Variants in TAB1 observed in about 807,000 individuals in gnomAD.
TAB1 encodes the protein TGF-beta-activated kinase 1 and MAP3K7-binding protein 1.
TAB1 carries 30 observed loss-of-function variants against 54.5 expected under a neutral mutation model. The ratio of observed to expected loss-of-function variants is 0.55; its 90% confidence interval spans 0.41 to 0.75. The LOEUF is 0.75. Among genes scored for constraint, TAB1 ranks in the 30% least tolerant of loss-of-function variants. TAB1 has a pLI of 0.00. For synonymous variants in TAB1, 289 were observed against 286.9 expected (o/e 1.01, Z -0.07); for missense variants, 609 against 683.2 (o/e 0.89, Z 1.21).
downstream of TAB1, among the ~76,000 whole-genome samples, chr22:39,434,877 C>T (rs1927726865): frequency 6.6e-6 from 1 of 152,202 alleles, no homozygotes; most frequent in African/African-American, 2.4e-5. Context: ...TCAGTAAAGC[C>T]ATCTTGTGGT....
chr22:39,431,485 C>T lies in TAB1; in HGVS notation c.*1263C>T, dbSNP rs1245377832. On this transcript the variant is annotated 3_prime_UTR_variant, in exon 11 of 11. Transcript: ENST00000216160. ...TCTCCCAGTCTCCCTGCCCCCCATG[C>T]CCCAGACCGGCCCACCAGGGACTAG... is the stretch of plus-strand genomic sequence containing the variant. The T allele has an allele frequency of 1.9e-5, 19 of 985,680 alleles. No individual in the cohort carries two copies. The highest frequency in any genetic ancestry group is 2.3e-5 in the Non-Finnish European group (19 of 830,188). The allele number at this position is 985,680 out of a possible 1,614,324, so 61.1% of individuals were successfully genotyped here.
At chr22:39,412,816 A>C (rs527315728) in intron 1 of TAB1, among the ~76,000 whole-genome samples, 3 of 144,850 alleles carry the variant, frequency 2.1e-5, no homozygotes, top group Admixed American at 1.4e-4. Context: ...TGTGTGTTTT[A>C]TTTCTTTTAC....
intron 9 of TAB1, among the ~76,000 whole-genome samples, chr22:39,427,474 C>T (rs1187027542): frequency 1.3e-5 from 2 of 152,220 alleles, no homozygotes; most frequent in African/African-American, 2.4e-5. Context: ...ACCAAGTTCT[C>T]AGGAAAAGAG....
At chr22:39,414,868 A>T (rs1926754660) in intron 1 of TAB1, 138 bp from the exon 2 acceptor site, 1 of 888,532 alleles carries the variant, frequency 1.1e-6, no homozygotes. Flanking sequence ...TACAAACATT[A>T]TTGTTTTCCA....
At chr22:39,427,623 C>T (rs933326743) in intron 9 of TAB1, among the ~76,000 whole-genome samples, 8 of 152,214 alleles carry the variant, frequency 5.3e-5, no homozygotes, top group Non-Finnish European at 1.2e-4. Context: ...GATTTGTTCT[C>T]CCATGGACAC....
In TAB1 at chr22:39,430,051, G is replaced by T. The variant is rs202039436; in HGVS notation, c.1344G>T (p.Thr448=). ...SPTLTLQSTN[T]HTQSSSSSSD... Reference sequence around the variant, plus strand: ...CCTTAACCCTGCAGTCCACCAACACGCACACGCAGAGCAGCAGCTCCAGCT... The same window carrying T: ...CCTTAACCCTGCAGTCCACCAACACTCACACGCAGAGCAGCAGCTCCAGCT... The change falls in exon 11 of 11, where the codon ACG becomes ACT. Residue 448 remains threonine, a synonymous_variant. Transcript: ENST00000216160. The T allele has an allele frequency of 6.2e-7, 1 of 1,613,802 alleles. No individual in the cohort carries two copies. Among genetic ancestry groups the T allele is most frequent in the Non-Finnish European group, 8.5e-7 (1 of 1,180,036 alleles).
chr22:39,429,199 C>T (rs532822772), intron 10 of TAB1: 2 of 985,422 alleles, frequency 2.0e-6, no homozygotes, highest in African/African-American at 3.5e-5. Context: ...ACAGGCAGTT[C>T]CAGCTGTGAT....
chr22:39,425,218 C>CAA (rs571359345), intron 8 of TAB1, among the ~76,000 whole-genome samples: 6 of 124,492 alleles, frequency 4.8e-5, no homozygotes, highest in African/African-American at 1.2e-4. Context: ...ACTAAAAATA[C>CAA]AAAAAAAAAA....
intron 8 of TAB1, among the ~76,000 whole-genome samples, chr22:39,422,375 A>G (rs113746779): frequency 2.4e-4 from 36 of 148,032 alleles, no homozygotes; most frequent in African/African-American, 8.9e-4. Context: ...TGAGTGGCAG[A>G]CAATTTATAG....
At chr22:39,412,028 A>G (rs1054908347) in intron 1 of TAB1, among the ~76,000 whole-genome samples, 1 of 151,946 alleles carries the variant, frequency 6.6e-6, no homozygotes, top group South Asian at 2.1e-4. Context: ...ATTGTGTGAC[A>G]TTGTTTTGTT....
chr22:39,409,899 A>T (rs1165741970), intron 1 of TAB1, among the ~76,000 whole-genome samples: 1 of 152,214 alleles, frequency 6.6e-6, no homozygotes, highest in Admixed American at 6.5e-5. Context: ...TGTCCGCAGT[A>T]CCCAGAATAC....
At chr22:39,414,893 C>T in intron 1 of TAB1, 113 bp from the exon 2 acceptor site, 1 of 1,209,288 alleles carries the variant, frequency 8.3e-7, no homozygotes, top group Non-Finnish European at 1.2e-6. Context: ...GAAGTGGAAC[C>T]CTCTGTGTAG....
downstream of TAB1, chr22:39,433,015 A>G: frequency 4.1e-6 from 4 of 985,410 alleles, no homozygotes; most frequent in Non-Finnish European, 3.6e-6. Flanking sequence ...CCACGTCCCC[A>G]GGTGGCGTCT....
At position 39,429,620 on chromosome 22, in the gene TAB1, G is replaced by T. The variant is rs34656418; in HGVS notation, c.1308-395G>T. Among the ~76,000 whole-genome samples, 951 of 152,128 alleles carry T rather than the reference G, an allele frequency of 6.3e-3. 9 individuals carry two copies. Among genetic ancestry groups the T allele is most frequent in the African/African-American group, 0.022 (910 of 41,506 alleles). On this transcript the variant is annotated intron_variant, in intron 10 of 10. Transcript: ENST00000216160. ...AACCTCCCGAGCAGCTGGGATTACA[G>T]GCACACGCCACCATGCCTGGGTAAA...
chr22:39,428,719 C>T (rs1466558904), intron 10 of TAB1, among the ~76,000 whole-genome samples: 5 of 152,206 alleles, frequency 3.3e-5, no homozygotes, highest in Admixed American at 2.6e-4. Flanking sequence ...GTGCACTCCC[C>T]ACACCAGGGG....
At chr22:39,399,985 C>T in intron 1 of TAB1, 150 bp downstream of exon 1, 4 of 934,274 alleles carry the variant, frequency 4.3e-6, no homozygotes, top group Non-Finnish European at 6.4e-6. Context: ...CGGGCTGGCC[C>T]CCTCGTTCCC....
chr22:39,412,415 G>C (rs58743204), intron 1 of TAB1, among the ~76,000 whole-genome samples: 1 of 152,190 alleles, frequency 6.6e-6, no homozygotes, highest in South Asian at 2.1e-4. Context: ...GAGGGAGTGC[G>C]TTGGGAGTGG....
intron 10 of TAB1, 72 bp downstream of exon 10, chr22:39,428,255 A>G: frequency 1.8e-6 from 2 of 1,091,592 alleles, no homozygotes; most frequent in Non-Finnish European, 2.7e-6. Flanking sequence ...CCAGGACAGA[A>G]ATGGCCATGG....
At chr22:39,429,379 G>A in intron 10 of TAB1, 1 of 985,406 alleles carries the variant, frequency 1.0e-6, no homozygotes, top group Non-Finnish European at 1.2e-6. Flanking sequence ...CTTCACCCGA[G>A]GAACTTCCTG....
Sources: allele counts gnomAD v4.1 joint callset (sites outside exome capture counted in the v4.1 genomes callset), GRCh38; gene constraint gnomAD v4.1.1; transcripts MANE v1.5; gene names NCBI Gene and HGNC (gene_info 2026-07-23, HGNC 2026-07-21).